The following RECK variants were observed in gnomAD, a reference collection of about 807,000 sequenced individuals.
RECK encodes the protein reversion inducing cysteine rich protein with kazal motifs.
A neutral mutation model predicts 115.1 loss-of-function variants in RECK; 69 were observed. The ratio of observed to expected loss-of-function variants is 0.60; its 90% CI spans 0.49 to 0.73. The LOEUF (loss-of-function observed/expected upper bound fraction) is 0.73. RECK is among the 30% of genes least tolerant of loss of function. The pLI, the probability that RECK is intolerant of heterozygous loss-of-function variation, is 0.00. For synonymous variants in RECK, 414 were observed against 419.7 expected, an observed-to-expected ratio of 0.99 and a Z score of 0.17; for missense variants, 1,047 against 1,203.7, an observed-to-expected ratio of 0.87 and a Z score of 1.93.
rs1587070980 is a variant in RECK, at chr9:36,102,200, A to G, written c.1405A>G (p.Lys469Glu). 6.2e-7 allele frequency: 1 copy of G among 1,613,702 alleles called. No individual in the cohort carries two copies. Among genetic ancestry groups the G allele is most frequent in the East Asian group, 2.2e-5 (1 of 44,864 alleles). The change falls in exon 12 of 21, where the codon AAG becomes GAG. Residue 469 changes from lysine (K) to glutamate (E), a missense_variant. Transcript: ENST00000377966. ...GCTTCTGTCACCTACAGATGATCTG[A>G]AGAATTGTATACCTTTGGATACATA... Reference protein sequence around the residue: ...CELLSPTDDLKNCIPLDTYLR... With the variant: ...CELLSPTDDLENCIPLDTYLR...
intron 12 of RECK, among the ~76,000 whole-genome samples, chr9:36,104,276 A>ATGTGTGTGTG (rs200067838): frequency 3.2e-5 from 2 of 61,962 alleles, no homozygotes; most frequent in African/African-American, 1.1e-4. Flanking sequence ...CATACATAGC[A>ATGTGTGTGTG]TGTGTGTGTG....
intron 6 of RECK, chr9:36,066,666 A>C: frequency 2.3e-6 from 1 of 438,446 alleles, no homozygotes. Flanking sequence ...TTATCTCTCT[A>C]TCTTTGAAAT....
In RECK at chr9:36,094,392, T is replaced by G. The variant is rs1823262162; in HGVS notation, c.1085+3049T>G. ...ATTTGTGACATTGTATAGTATTAATTCAAGGAAAACTATAATAAATAATGG... is the reference window on the plus strand; with the variant it reads ...ATTTGTGACATTGTATAGTATTAATGCAAGGAAAACTATAATAAATAATGG... On this transcript the variant is annotated intron_variant, in intron 10 of 20. Coordinates refer to ENST00000377966, the MANE Select transcript of RECK (RefSeq NM_021111.3). The surrounding 1 kb of genome is among the most constrained non-coding windows in gnomAD (Gnocchi z 4.1). 6.6e-6 allele frequency among the ~76,000 whole-genome samples: 1 copy of G among 152,080 alleles called. No homozygotes were observed. The highest frequency in any genetic ancestry group is 2.4e-5 in the African/African-American group (1 of 41,430).
At chr9:36,043,111 G>A (rs571087177) in intron 1 of RECK, among the ~76,000 whole-genome samples, 2 of 125,858 alleles carry the variant, frequency 1.6e-5, no homozygotes, top group South Asian at 5.5e-4. Flanking sequence ...TGCAAGCTCC[G>A]CCTCCCGGGT....
In RECK at chr9:36,087,755, G is replaced by A. The variant is rs1238894028; in HGVS notation, c.699G>A (p.Leu233=). The A allele has an allele frequency of 1.2e-6, 2 of 1,613,886 alleles. No individual in the cohort carries two copies. Among genetic ancestry groups the A allele is most frequent in the Non-Finnish European group, 1.7e-6 (2 of 1,179,904 alleles). ...GCCAAAATGCCTGCAAGAGAATCCT[G>A]ATGTCCAAGAAAACGGAAATGGAGA... ...HACQNACKRI[L]MSKKTEMEIV... is the part of the protein sequence containing the mutation. The change falls in exon 9 of 21, where the codon CTG becomes CTA. Residue 233 remains leucine (L), a synonymous_variant. Transcript: ENST00000377966.
intron 7 of RECK, among the ~76,000 whole-genome samples, chr9:36,082,156 C>CTCTCTCTCTT (rs1211381679): frequency 9.0e-4 from 120 of 133,696 alleles, no homozygotes; most frequent in African/African-American, 4.0e-3. Context: ...CCTGCTTTCT[C>CTCTCTCTCTT]TCTCTCTCTC....
chr9:36,116,676 G>A (rs1244511677), intron 16 of RECK, among the ~76,000 whole-genome samples: 1 of 152,172 alleles, frequency 6.6e-6, no homozygotes, highest in Non-Finnish European at 1.5e-5. Flanking sequence ...CTCTCAGCCT[G>A]GCAAGCCCAT....
intron 4 of RECK, among the ~76,000 whole-genome samples, chr9:36,062,864 G>A (rs1363800249): frequency 2.6e-5 from 4 of 152,074 alleles, no homozygotes; most frequent in Non-Finnish European, 2.9e-5. Context: ...CCCGGGCGTG[G>A]TCGCTTACAC....
Position 36,118,974 on chromosome 9 carries a change from T to G in RECK, c.2464+7T>G. The G allele has an allele frequency of 1.2e-6, 2 of 1,611,450 alleles. No individual in the cohort carries two copies. The highest frequency in any genetic ancestry group is 1.7e-6 in the Non-Finnish European group (2 of 1,179,294). Reference sequence around the variant, plus strand: ...AAACCCATCATCCCACCGGGTAGGCTGGCAGTATCGGGGTGGACAGGGGAG... The same window carrying G: ...AAACCCATCATCCCACCGGGTAGGCGGGCAGTATCGGGGTGGACAGGGGAG... On this transcript the variant is annotated splice_region_variant and intron_variant, in intron 18 of 20. Coordinates refer to ENST00000377966, the MANE Select transcript of RECK (RefSeq NM_021111.3).
intron 3 of RECK, among the ~76,000 whole-genome samples, chr9:36,059,359 G>A (rs922974769): frequency 6.6e-6 from 1 of 151,840 alleles, no homozygotes; most frequent in Non-Finnish European, 1.5e-5. Flanking sequence ...CAGAGGCTGA[G>A]GCAGGAGAAT....
chr9:36,104,276 A>ATGTGTGTG (rs200067838), intron 12 of RECK, among the ~76,000 whole-genome samples: 3 of 61,962 alleles, frequency 4.8e-5, no homozygotes, highest in Admixed American at 4.4e-4. Context: ...CATACATAGC[A>ATGTGTGTG]TGTGTGTGTG....
At chr9:36,067,424 A>T in intron 6 of RECK, among the ~76,000 whole-genome samples, 1 of 152,162 alleles carries the variant, frequency 6.6e-6, no homozygotes, top group East Asian at 1.9e-4. Context: ...TCAGAGAATG[A>T]GTAATTACAT....
chr9:36,046,930 A>C (rs1821553890), intron 1 of RECK, among the ~76,000 whole-genome samples: 1 of 152,198 alleles, frequency 6.6e-6, no homozygotes, highest in African/African-American at 2.4e-5. Flanking sequence ...CTGTTAGTGG[A>C]GTTTTAATTA....
rs35001556 is a variant in RECK, at chr9:36,042,067, C to CTT, written c.100+4978_100+4979dup. Among the ~76,000 whole-genome samples the CTT allele has an allele frequency of 8.8e-3, 1,302 of 148,134 alleles. 18 individuals are homozygous for CTT. The highest frequency in any genetic ancestry group is 0.031 in the African/African-American group (1,249 of 40,368). ...ATTGTATAACTATAGGATATTACTA[C>CTT]TTTTTTTTTTAGTAGGTTTTAGGGG... On this transcript the variant is annotated intron_variant, in intron 1 of 20. Transcript: ENST00000377966.
intron 9 of RECK, among the ~76,000 whole-genome samples, chr9:36,090,022 G>A (rs1336942292): frequency 1.3e-5 from 2 of 151,422 alleles, no homozygotes; most frequent in East Asian, 1.9e-4. Flanking sequence ...CAGGTGTGGT[G>A]GCAGATGCCT....
intron 2 of RECK, among the ~76,000 whole-genome samples, chr9:36,055,130 G>A (rs1821470930): frequency 6.6e-6 from 1 of 152,128 alleles, no homozygotes; most frequent in African/African-American, 2.4e-5. Context: ...GCTCTGAGAT[G>A]ATTTGTATAA....
intron 6 of RECK, among the ~76,000 whole-genome samples, chr9:36,075,948 C>A (rs1822431021): frequency 6.6e-6 from 1 of 152,076 alleles, no homozygotes; most frequent in Admixed American, 6.6e-5. Context: ...TTGTCATCAT[C>A]TTTATCATTG....
chr9:36,104,317 TATATATATA>T (rs1487684753), intron 12 of RECK, among the ~76,000 whole-genome samples: 19 of 67,744 alleles, frequency 2.8e-4, no homozygotes, highest in African/African-American at 8.8e-4. Flanking sequence ...TATATATATA[TATATATATA>T]TTTTTTTTTT....
At chr9:36,078,283 T>C (rs1334304035) in intron 6 of RECK, among the ~76,000 whole-genome samples, 1 of 152,278 alleles carries the variant, frequency 6.6e-6, no homozygotes, top group Admixed American at 6.5e-5. Flanking sequence ...TTCTCACATT[T>C]CGCAGGTTTT....
Sources: gnomAD v4.1 joint callset for allele counts (sites outside exome capture counted in the v4.1 genomes callset) on GRCh38, gnomAD v4.1.1 for gene constraint, Gnocchi (gnomAD v3.1) non-coding constraint, MANE v1.5 for transcripts, NCBI Gene and HGNC (gene_info 2026-07-23, HGNC 2026-07-21) for gene names.